Variants in ZNF462 observed in about 807,000 individuals in gnomAD.
ZNF462 encodes zinc finger protein 462.
A neutral mutation model predicts 201.9 loss-of-function variants in ZNF462; 10 were observed. The ratio of observed to expected loss-of-function variants is 0.05; its 90% CI spans 0.03 to 0.08. The LOEUF is 0.08. Ranked by LOEUF, ZNF462 falls within the 10% of genes least tolerant of loss-of-function variation. The probability of loss-of-function intolerance (pLI) is 1.00; values close to 1 mark genes in which losing one functional copy is unlikely to be tolerated. For synonymous variants in ZNF462, 1,227 were observed against 1,193.3 expected, an observed-to-expected ratio of 1.03 and a Z score of -0.58; for missense variants, 2,523 against 3,168.3, an observed-to-expected ratio of 0.80 and a Z score of 4.89.
chr9:106,910,351 C>T (rs1026253379), intron 1 of ZNF462, among the ~76,000 whole-genome samples: 1 of 145,440 alleles, frequency 6.9e-6, no homozygotes, highest in Non-Finnish European at 1.5e-5. Context: ...CGTCCTCCAC[C>T]CCTTGTTTTA....
At chr9:106,976,224 A>T (rs1489424201) in intron 9 of ZNF462, 1 of 152,222 alleles carries the variant, frequency 6.6e-6, no homozygotes, top group East Asian at 1.9e-4. Flanking sequence ...AGTGGATACC[A>T]TGAGGTGCCA....
intron 9 of ZNF462, among the ~76,000 whole-genome samples, chr9:106,982,570 A>C (rs970353250): frequency 1.3e-5 from 2 of 152,224 alleles, no homozygotes; most frequent in African/African-American, 4.8e-5. Context: ...TGTGTGGATT[A>C]CATTATAATC....
intron 1 of ZNF462, among the ~76,000 whole-genome samples, chr9:106,884,277 C>G (rs963953495): frequency 2.0e-5 from 3 of 152,294 alleles, no homozygotes; most frequent in South Asian, 2.1e-4. Context: ...GAGGAAGAAG[C>G]AGCCACTGTG....
At chr9:106,873,614 C>T (rs914384203) in intron 1 of ZNF462, among the ~76,000 whole-genome samples, 19 of 151,942 alleles carry the variant, frequency 1.3e-4, no homozygotes, top group Admixed American at 2.6e-4. Flanking sequence ...GTGTGGGTGC[C>T]GATACCCCCT....
rs764129118 is a variant in ZNF462 at position 106,939,031 on chromosome 9, C to T, written c.6351C>T (p.Ile2117=). The T allele has an allele frequency of 7.4e-6, 12 of 1,613,872 alleles. No individual in the cohort carries two copies. The highest frequency in any genetic ancestry group is 2.7e-5 in the African/African-American group (2 of 74,884). ...CCCTGACCCTCCCCAGGCCACGGATCGTCAGTCTCCTCTCCTCACACTCCC... is the reference window on the plus strand; with the variant it reads ...CCCTGACCCTCCCCAGGCCACGGATTGTCAGTCTCCTCTCCTCACACTCCC... ...GKALTLPRPR[I]VSLLSSHSHH... Residue 2117 remains isoleucine (I), a synonymous_variant, in exon 7 of 13, where the codon ATC becomes ATT. Coordinates refer to ENST00000277225, the MANE Select transcript of ZNF462 (RefSeq NM_021224.6).
At chr9:106,879,338 C>T (rs1313376948) in intron 1 of ZNF462, among the ~76,000 whole-genome samples, 3 of 107,050 alleles carry the variant, frequency 2.8e-5, no homozygotes, top group East Asian at 7.0e-4. Context: ...TTCCACCCCC[C>T]CCCCCACCCC....
intron 9 of ZNF462, chr9:106,976,115 A>C (rs1377218554): frequency 6.6e-6 from 1 of 152,246 alleles, no homozygotes; most frequent in Non-Finnish European, 1.5e-5. Context: ...CTATAGGTTT[A>C]AAAACAAATA....
intron 10 of ZNF462, among the ~76,000 whole-genome samples, chr9:106,998,641 T>A (rs977273672): frequency 2.6e-5 from 4 of 152,080 alleles, no homozygotes; most frequent in Admixed American, 1.3e-4. Flanking sequence ...GGAGTCTTGC[T>A]CTGTCACCCA....
At chr9:106,965,453 T>C (rs1832031155) in intron 7 of ZNF462, among the ~76,000 whole-genome samples, 1 of 151,942 alleles carries the variant, frequency 6.6e-6, no homozygotes, top group Non-Finnish European at 1.5e-5. Context: ...TAGGAGGACC[T>C]CAATGAACAA....
rs980956219 is a variant in ZNF462, at chr9:106,883,951, G to A, written c.-31+20596G>A. ...GGGTGGCAATAGAGGAAGCTGTTAT[G>A]CTGTCTTCATTGCTCATAAAAAAAT... On this transcript the variant is annotated intron_variant, in intron 1 of 12. Coordinates refer to ENST00000277225, the MANE Select transcript of ZNF462 (RefSeq NM_021224.6). The surrounding 1 kb of genome is among the most constrained non-coding windows in gnomAD (Gnocchi z 4.9). Among the ~76,000 whole-genome samples, 4 of 152,194 alleles carry A rather than the reference G, an allele frequency of 2.6e-5. No individual in the cohort carries two copies. Among genetic ancestry groups the A allele is most frequent in the Admixed American group, 6.5e-5 (1 of 15,272 alleles).
At position 106,923,612 on chromosome 9, in the gene ZNF462, A is replaced by G. The variant is rs372631746; in HGVS notation, c.220+9A>G. The stretch of plus-strand genomic sequence containing the variant: ...TGCAGAAGATTTATCAGGTAAATCT[A>G]TACTAAACTTGGCACGGCCGATGTA... On this transcript the variant is annotated intron_variant, in intron 2 of 12. Transcript: ENST00000277225. This position sits in a 1 kb window ranked among gnomAD's most constrained non-coding sequence, Gnocchi z 5.6. The G allele has an allele frequency of 2.0e-5, 33 of 1,611,894 alleles. No individual in the cohort carries two copies. The highest frequency in any genetic ancestry group is 1.2e-4 in the South Asian group (11 of 91,036).
In ZNF462 at chr9:106,926,705, A is replaced by G. The variant is rs139135332; in HGVS notation, c.2793A>G (p.Ser931=). 6.2e-6 allele frequency: 10 copies of G among 1,614,008 alleles called. No individual in the cohort carries two copies. In the African/African-American group the frequency reaches 1.2e-4, roughly 19 times the overall value. The change falls in exon 3 of 13, where the codon TCA becomes TCG. Residue 931 remains serine (S), a synonymous_variant. Transcript: ENST00000277225. The surrounding 1 kb of genome is among the most constrained non-coding windows in gnomAD (Gnocchi z 7.9). ...SDLIYRCRFC[S]YTSPNVRSLM... is the part of the protein sequence containing the mutation. ...TGATCTACCGGTGTCGGTTTTGTTC[A>G]TACACGAGCCCGAATGTTAGAAGCC...
chr9:106,973,213 A>G (rs1254323130), intron 8 of ZNF462, among the ~76,000 whole-genome samples: 1 of 152,000 alleles, frequency 6.6e-6, no homozygotes, highest in Non-Finnish European at 1.5e-5. Context: ...AAAAGCTATT[A>G]TTTTCTGTTC....
At chr9:106,874,042 C>T (rs546582933) in intron 1 of ZNF462, among the ~76,000 whole-genome samples, 1 of 152,288 alleles carries the variant, frequency 6.6e-6, no homozygotes, top group African/African-American at 2.4e-5. Flanking sequence ...TCCATTTTTA[C>T]TTCTCATCCA....
At chr9:106,914,263 G>A (rs1023876983) in intron 1 of ZNF462, among the ~76,000 whole-genome samples, 2 of 138,588 alleles carry the variant, frequency 1.4e-5, no homozygotes, top group South Asian at 2.8e-4. Context: ...TGCAGAGAAC[G>A]AAAATACCTG....
intron 1 of ZNF462, among the ~76,000 whole-genome samples, chr9:106,912,796 G>C (rs1829604801): frequency 6.6e-6 from 1 of 152,142 alleles, no homozygotes; most frequent in Non-Finnish European, 1.5e-5. Flanking sequence ...TTTTAGAGTA[G>C]AGTCTTCTCT....
In ZNF462 at chr9:107,010,626, T is replaced by C. The variant is rs534738534; in HGVS notation, c.7314-197T>C. Among the ~76,000 whole-genome samples the C allele has an allele frequency of 6.6e-6, 1 of 152,298 alleles. No individual in the cohort carries two copies. On this transcript the variant is annotated intron_variant, in intron 12 of 12. Transcript: ENST00000277225. The surrounding 1 kb of genome is among the most constrained non-coding windows in gnomAD (Gnocchi z 4.6). ...TTCAAATCTTTAAGATACAGAAATATATGACTTAAGCAAAACATAGCAGGG... is the reference window on the plus strand; with the variant it reads ...TTCAAATCTTTAAGATACAGAAATACATGACTTAAGCAAAACATAGCAGGG...
chr9:106,992,781 TC>T (rs1390259655), intron 10 of ZNF462, among the ~76,000 whole-genome samples: 8 of 152,082 alleles, frequency 5.3e-5, no homozygotes, highest in Non-Finnish European at 5.9e-5. Flanking sequence ...ATGAGAGTGT[TC>T]TTAAACATCA....
At chr9:106,986,552 C>T (rs1827846296) in intron 10 of ZNF462, among the ~76,000 whole-genome samples, 1 of 152,118 alleles carries the variant, frequency 6.6e-6, no homozygotes, top group South Asian at 2.1e-4. Context: ...CAGCTGTGTT[C>T]CCAAAGACCT....
Sources: gnomAD v4.1 joint callset for allele counts (sites outside exome capture counted in the v4.1 genomes callset) on GRCh38, gnomAD v4.1.1 for gene constraint, Gnocchi (gnomAD v3.1) non-coding constraint, MANE v1.5 for transcripts, NCBI Gene and HGNC (gene_info 2026-07-23, HGNC 2026-07-21) for gene names.